Variants in CELF2 observed in about 807,000 individuals in gnomAD.
The protein encoded by CELF2 is CUGBP Elav-like family member 2, also known as CUG triplet repeat RNA-binding protein 2.
A neutral mutation model predicts 62.6 loss-of-function variants in CELF2; 8 were observed. The ratio of observed to expected loss-of-function variants is 0.13; its 90% CI spans 0.07 to 0.23. CELF2 has a LOEUF of 0.23. Among genes scored for constraint, CELF2 ranks in the 10% least tolerant of loss-of-function variants. The probability of loss-of-function intolerance (pLI) is 1.00; values close to 1 mark genes in which losing one functional copy is unlikely to be tolerated. For synonymous variants in CELF2, 258 were observed against 250.0 expected (o/e 1.03, Z -0.30); for missense variants, 333 against 671.0 (o/e 0.50, Z 5.56).
chr10:11,054,489 T>TTGTGTGTGTGTGTG lies in CELF2; in HGVS notation c.74+36346_74+36359dup, dbSNP rs35465939. 5.4e-4 allele frequency among the ~76,000 whole-genome samples: 81 copies of TTGTGTGTGTGTGTG among 149,580 alleles called. 1 individual carries two copies. The highest frequency in any genetic ancestry group is 1.8e-3 in the East Asian group (9 of 5,054). ...GAAGAAAACAACTGTGTATGTGTGT[T>TTGTGTGTGTGTGTG]TGTGTGTGTGTGTGTGTGTGTGTGT... On this transcript the variant is annotated intron_variant, in intron 1 of 12. Transcript: ENST00000633077.
chr10:10,846,156 A>C (rs1257745150), intron 1 of CELF2: 6 of 980,590 alleles, frequency 6.1e-6, no homozygotes, highest in Non-Finnish European at 7.3e-6. Flanking sequence ...CGCTATTCAC[A>C]GTAAGGAATC....
the CELF2 span, among the ~76,000 whole-genome samples, chr10:10,533,291 A>C: frequency 9.2e-4 from 140 of 152,306 alleles, no homozygotes; most frequent in Middle Eastern, 3.4e-3. Context: ...TTTAATGAAG[A>C]TGATTTTTAA....
intron 5 of CELF2, among the ~76,000 whole-genome samples, chr10:11,259,985 A>G (rs2080003763): frequency 6.6e-6 from 1 of 152,226 alleles, no homozygotes; most frequent in Non-Finnish European, 1.5e-5. Context: ...TCTCCAAGGT[A>G]TGGAGAAACG....
In CELF2 at chr10:11,332,033, T is replaced by TAAAGGGA. The variant is rs1446747803; in HGVS notation, c.*2984_*2990dup. ...AGAAAACAATTCCACGAGGCCAATCTAAAGGGAAAAAATCCTACACTACTT... is the reference window on the plus strand; with the variant it reads ...AGAAAACAATTCCACGAGGCCAATCTAAAGGGAAAAGGGAAAAAATCCTACACTACTT... On this transcript the variant is annotated 3_prime_UTR_variant, in exon 13 of 13. Coordinates refer to ENST00000633077, the MANE Select transcript of CELF2 (RefSeq NM_001326342.2). 8.2e-4 allele frequency: 125 copies of TAAAGGGA among 152,302 alleles called. No homozygotes were observed. Among genetic ancestry groups the TAAAGGGA allele is most frequent in the African/African-American group, 2.8e-3 (115 of 41,552 alleles). 9.4% of individuals were successfully genotyped at this position (152,302 alleles called of 1,614,324 possible). A position where few individuals can be genotyped will look rare whatever the true frequency, so the allele number is the denominator to read the frequency against.
intron 2 of CELF2, among the ~76,000 whole-genome samples, chr10:11,172,316 T>G (rs1287985343): frequency 6.6e-6 from 1 of 152,202 alleles, no homozygotes; most frequent in Non-Finnish European, 1.5e-5. Context: ...CAGTCAGAAT[T>G]TTTAGATTCA....
chr10:10,560,353 T>A, the CELF2 span, among the ~76,000 whole-genome samples: 19 of 152,360 alleles, frequency 1.2e-4, no homozygotes, highest in Admixed American at 5.2e-4. Flanking sequence ...ATATTATGGA[T>A]GGCCCTTGAA....
At position 11,328,837 on chromosome 10, in the gene CELF2, T is replaced by C; in HGVS notation, c.1439-89T>C. ...CGTGGGGCTGGCACCTCATGCTGGCTCTTCAGCCTTCCCCAGAGCTCCAGC... is the reference window on the plus strand; with the variant it reads ...CGTGGGGCTGGCACCTCATGCTGGCCCTTCAGCCTTCCCCAGAGCTCCAGC... On this transcript the variant is annotated intron_variant, in intron 12 of 12. Transcript: ENST00000633077. The surrounding 1 kb of genome is among the most constrained non-coding windows in gnomAD (Gnocchi z 6.4). 7 of 1,461,438 alleles carry C rather than the reference T, an allele frequency of 4.8e-6. No homozygotes were observed. The highest frequency in any genetic ancestry group is 5.5e-6 in the Non-Finnish European group (6 of 1,084,336). The allele number at this position is 1,461,438 out of a possible 1,614,324, so 90.5% of individuals were successfully genotyped here. A position where few individuals can be genotyped will look rare whatever the true frequency, so the allele number is the denominator to read the frequency against.
chr10:10,888,148 A>C (rs1209618125), intron 1 of CELF2, among the ~76,000 whole-genome samples: 4 of 152,316 alleles, frequency 2.6e-5, no homozygotes, highest in Non-Finnish European at 5.9e-5. Flanking sequence ...CACAAGATTT[A>C]TGGATGACAT....
intron 2 of CELF2, among the ~76,000 whole-genome samples, chr10:11,168,588 G>A (rs1384229328): frequency 6.6e-6 from 1 of 152,202 alleles, no homozygotes; most frequent in Non-Finnish European, 1.5e-5. Context: ...TGATATCAGA[G>A]CCTCAGAAAC....
chr10:11,183,657 G>A (rs2074084430), intron 2 of CELF2, among the ~76,000 whole-genome samples: 1 of 152,184 alleles, frequency 6.6e-6, no homozygotes, highest in African/African-American at 2.4e-5. Context: ...GTAGTGGTAT[G>A]TCATTATGGT....
At chr10:10,882,420 CA>C (rs1169908402) in intron 1 of CELF2, among the ~76,000 whole-genome samples, 1 of 152,148 alleles carries the variant, frequency 6.6e-6, no homozygotes. Flanking sequence ...GTGACTTGAC[CA>C]CAAAGGGAAG....
chr10:11,270,684 G>A lies in CELF2; in HGVS notation c.637G>A (p.Val213Met), dbSNP rs375669532. ...ACCACAGGGCTGCTCTTCACCTATC[G>A]TGGTGAAGTTTGCTGACACTCAGAA... Reference protein sequence around the residue: ...QTMEGCSSPIVVKFADTQKDK... With the variant: ...QTMEGCSSPIMVKFADTQKDK... Residue 213 changes from valine to methionine, a missense_variant, in exon 7 of 13, where the codon GTG (valine) becomes ATG (methionine). Val to Met is a conservative substitution (Grantham distance 21). Coordinates refer to ENST00000633077, the MANE Select transcript of CELF2 (RefSeq NM_001326342.2). This position sits in a 1 kb window ranked among gnomAD's most constrained non-coding sequence, Gnocchi z 5.8. 3 of 1,514,942 alleles carry A rather than the reference G, an allele frequency of 2.0e-6. No individual in the cohort carries two copies. The highest frequency in any genetic ancestry group is 1.4e-5 in the African/African-American group (1 of 71,046). The allele number at this position is 1,514,942 out of a possible 1,614,324, so 93.8% of individuals were successfully genotyped here.
the CELF2 span, among the ~76,000 whole-genome samples, chr10:10,769,615 T>A: frequency 6.6e-6 from 1 of 151,826 alleles, no homozygotes; most frequent in East Asian, 1.9e-4. Flanking sequence ...AATACAAAAA[T>A]TAGCTGGGCA....
Position 11,010,340 on chromosome 10 carries a change from C to T in CELF2, c.53+4900C>T, listed in dbSNP as rs2056223843. On this transcript the variant is annotated intron_variant, in intron 1 of 12. Coordinates refer to the CELF2 transcript ENST00000416382. The surrounding 1 kb of genome is among the most constrained non-coding windows in gnomAD (Gnocchi z 4.1). ...CTTCCCTCTGGGTCTGGCTACAGGCCTTAGAAGTATCAGTGGAAACCTCAG... is the reference window on the plus strand; with the variant it reads ...CTTCCCTCTGGGTCTGGCTACAGGCTTTAGAAGTATCAGTGGAAACCTCAG... 6.6e-6 allele frequency: 1 copy of T among 152,236 alleles called. No individual in the cohort carries two copies. The highest frequency in any genetic ancestry group is 1.5e-5 in the Non-Finnish European group (1 of 68,092). 9.4% of individuals were successfully genotyped at this position (152,236 alleles called of 1,614,324 possible).
chr10:10,945,318 T>C (rs1423422221), intron 2 of CELF2, among the ~76,000 whole-genome samples: 2 of 152,122 alleles, frequency 1.3e-5, no homozygotes, highest in African/African-American at 2.4e-5. Flanking sequence ...TTAGGTATCA[T>C]GGGAGGGAGG....
the CELF2 span, among the ~76,000 whole-genome samples, chr10:10,531,387 C>T: frequency 6.6e-6 from 1 of 152,136 alleles, no homozygotes; most frequent in Non-Finnish European, 1.5e-5. Context: ...AGTAACTTGA[C>T]CAAGGTCTTG....
the CELF2 span, among the ~76,000 whole-genome samples, chr10:10,468,828 G>GATCT: frequency 1.3e-5 from 2 of 151,844 alleles, no homozygotes; most frequent in Non-Finnish European, 2.9e-5. Context: ...AAGCATCAGT[G>GATCT]ATCTCATTCT....
chr10:11,018,601 G>C (rs1330642848), intron 1 of CELF2, among the ~76,000 whole-genome samples: 1 of 149,656 alleles, frequency 6.7e-6, no homozygotes, highest in Non-Finnish European at 1.5e-5. Context: ...GCCGGGCGCG[G>C]AGTCCCGGGG....
chr10:10,533,366 CA>C, the CELF2 span, among the ~76,000 whole-genome samples: 1 of 152,142 alleles, frequency 6.6e-6, no homozygotes, highest in African/African-American at 2.4e-5. Context: ...AACGAGAGTA[CA>C]ATTTTCTTAA....
Sources: gnomAD v4.1 joint callset for allele counts (sites outside exome capture counted in the v4.1 genomes callset) on GRCh38, gnomAD v4.1.1 for gene constraint, Gnocchi (gnomAD v3.1) non-coding constraint, MANE v1.5 for transcripts, NCBI Gene and HGNC (gene_info 2026-07-23, HGNC 2026-07-21) for gene names.